Variants in ATP5MC2 observed in about 807,000 individuals in gnomAD.
ATP5MC2 encodes the protein ATP synthase F(0) complex subunit C2, mitochondrial.
Under a neutral mutation model 13.5 loss-of-function variants are expected in ATP5MC2, and 11 were observed. The ratio of observed to expected loss-of-function variants is 0.81; its 90% confidence interval spans 0.51 to 1.35. The LOEUF (loss-of-function observed/expected upper bound fraction) is 1.35. Ranked by LOEUF, ATP5MC2 falls within the 40% of genes most tolerant of loss-of-function variation. The pLI is 0.00. For missense variants in ATP5MC2, 132 were observed against 175.0 expected, an observed-to-expected ratio of 0.75 and a Z score of 1.39; for synonymous variants, 64 against 69.7, an observed-to-expected ratio of 0.92 and a Z score of 0.41.
intron 3 of ATP5MC2, 151 bp from the exon 4 acceptor site, chr12:53,669,492 C>T (rs1274769309): frequency 1.1e-5 from 15 of 1,409,942 alleles, no homozygotes; most frequent in African/African-American, 1.4e-5. Flanking sequence ...AACCTTTTAA[C>T]GTAGGATGTA....
upstream of ATP5MC2, among the ~76,000 whole-genome samples, chr12:53,679,078 A>G (rs1420144883): frequency 6.6e-6 from 1 of 152,206 alleles, no homozygotes; most frequent in East Asian, 1.9e-4. Context: ...AGAAATTCCA[A>G]GTGTCCTTTT....
chr12:53,670,834 G>C (rs1836981665), intron 2 of ATP5MC2, among the ~76,000 whole-genome samples: 1 of 151,806 alleles, frequency 6.6e-6, no homozygotes, highest in Non-Finnish European at 1.5e-5. Flanking sequence ...TATTGGCCAG[G>C]CTGGTTTTGA....
chr12:53,679,237 A>AAGAGAGAGAGAGAGAG, upstream of ATP5MC2, among the ~76,000 whole-genome samples: 1 of 72,612 alleles, frequency 1.4e-5, no homozygotes, highest in African/African-American at 7.5e-5. Flanking sequence ...GATTTTAAAA[A>AAGAGAGAGAGAGAGAG]CGAGAGAGAG....
chr12:53,676,197 G>T (rs749831233), upstream of ATP5MC2: 1 of 1,612,584 alleles, frequency 6.2e-7, no homozygotes, highest in Non-Finnish European at 8.5e-7. Context: ...AGGCATCACA[G>T]CGCCGCCTGC....
intron 1 of ATP5MC2, 148 bp downstream of exon 1, chr12:53,675,905 C>T: frequency 7.8e-7 from 1 of 1,275,222 alleles, no homozygotes; most frequent in South Asian, 1.5e-5. Context: ...GAAGAGCCAA[C>T]TCTAAGGCTA....
At chr12:53,674,741 C>T (rs1361103535) in intron 1 of ATP5MC2, among the ~76,000 whole-genome samples, 2 of 152,194 alleles carry the variant, frequency 1.3e-5, no homozygotes, top group African/African-American at 2.4e-5. Flanking sequence ...AGCCACCACA[C>T]CCAGCCTTAA....
At position 53,672,633 on chromosome 12, in the gene ATP5MC2, T is replaced by TGGAATTCAGG. The variant is rs1945135931; in HGVS notation, c.-20_-19insCCTGAATTCC. 1 of 1,578,832 alleles carries TGGAATTCAGG rather than the reference T, an allele frequency of 6.3e-7. No homozygotes were observed. The highest frequency in any genetic ancestry group is 1.9e-5 in the Admixed American group (1 of 53,642). ...CGAACATTTTCAGGGGGTGAGGAGCTGTGGCAGGAGAGCTGGAATTACAGA... is the reference window on the plus strand; with the variant it reads ...CGAACATTTTCAGGGGGTGAGGAGCTGGAATTCAGGGTGGCAGGAGAGCTGGAATTACAGA... On this transcript the variant is annotated 5_prime_UTR_variant, in exon 2 of 5. Coordinates refer to ENST00000394349, the MANE Select transcript of ATP5MC2 (RefSeq NM_005176.7).
upstream of ATP5MC2, chr12:53,676,367 C>G (rs117062244): frequency 4.9e-4 from 437 of 887,136 alleles, 8 homozygotes; most frequent in South Asian, 7.4e-3. Flanking sequence ...CTCGGACTTG[C>G]GTCCCCTTTC....
chr12:53,675,969 T>C, intron 1 of ATP5MC2, 84 bp downstream of exon 1: 2 of 1,553,052 alleles, frequency 1.3e-6, no homozygotes, highest in Non-Finnish European at 1.7e-6. Flanking sequence ...GCACGCAAGG[T>C]AAGCGCCTCA....
rs1474247652 is a variant in ATP5MC2 at position 53,665,513 on chromosome 12, C to T, written c.312-85G>A. 8 of 1,109,040 alleles carry T rather than the reference C, an allele frequency of 7.2e-6. No homozygotes were observed. In the South Asian group the frequency reaches 1.0e-4, roughly 14 times the overall value. 68.7% of individuals were successfully genotyped at this position (1,109,040 alleles called of 1,614,324 possible). ...ATCTAAGATGGGCTCAGGGAGAATC[C>T]CCCTCTTCAAGATTATCTCACATAA... On this transcript the variant is annotated intron_variant, in intron 4 of 4. Transcript: ENST00000394349.
upstream of ATP5MC2, among the ~76,000 whole-genome samples, chr12:53,678,173 T>G (rs903585447): frequency 2.6e-5 from 4 of 152,250 alleles, no homozygotes; most frequent in African/African-American, 4.8e-5. Context: ...TGTGTGATCT[T>G]GAGCTAGCTG....
upstream of ATP5MC2, among the ~76,000 whole-genome samples, chr12:53,677,968 GGCTGTTGCA>G (rs1945315086): frequency 1.3e-5 from 2 of 152,298 alleles, no homozygotes; most frequent in South Asian, 2.1e-4. Flanking sequence ...ACCCCCAAAC[GGCTGTTGCA>G]GCTGTTGCGA....
chr12:53,680,811 A>G (rs1945336362), upstream of ATP5MC2, among the ~76,000 whole-genome samples: 1 of 152,230 alleles, frequency 6.6e-6, no homozygotes. Flanking sequence ...TGTTGAGGAC[A>G]CAGGCGTGAA....
chr12:53,680,358 G>A (rs1317514484), upstream of ATP5MC2, among the ~76,000 whole-genome samples: 1 of 152,170 alleles, frequency 6.6e-6, no homozygotes, highest in Non-Finnish European at 1.5e-5. Context: ...TATAAAAAAT[G>A]AGAAAGCATA....
upstream of ATP5MC2, chr12:53,676,097 A>C (rs1239826971): frequency 1.2e-6 from 2 of 1,614,254 alleles, no homozygotes; most frequent in East Asian, 2.2e-5. Context: ...AGCAGCGGGA[A>C]GAGCGAAAGG....
At chr12:53,667,956 C>CATAT (rs772110168) in intron 4 of ATP5MC2, among the ~76,000 whole-genome samples, 1,473 of 66,714 alleles carry the variant, frequency 0.022, 59 homozygotes, top group Non-Finnish European at 0.033. Context: ...CATACACACA[C>CATAT]ATATATATAT....
chr12:53,675,697 G>C (rs1206895214), intron 1 of ATP5MC2, among the ~76,000 whole-genome samples: 1 of 152,240 alleles, frequency 6.6e-6, no homozygotes, highest in Non-Finnish European at 1.5e-5. Context: ...AGAGAAAGCA[G>C]AGATAGGAGG....
chr12:53,670,624 CTT>C (rs998395727), intron 2 of ATP5MC2, among the ~76,000 whole-genome samples: 4 of 144,650 alleles, frequency 2.8e-5, no homozygotes, highest in East Asian at 2.0e-4. Flanking sequence ...TTCTTTCTTT[CTT>C]TTTTTTTTTT....
At chr12:53,676,408 C>A, upstream of ATP5MC2, 1 of 611,554 alleles carries the variant, frequency 1.6e-6, no homozygotes, top group East Asian at 3.0e-5. Context: ...ACTGCCAAAA[C>A]AAAACTCCTA....
Sources: gnomAD v4.1 joint callset for allele counts (sites outside exome capture counted in the v4.1 genomes callset) on GRCh38, gnomAD v4.1.1 for gene constraint, MANE v1.5 for transcripts, NCBI Gene and HGNC (gene_info 2026-07-23, HGNC 2026-07-21) for gene names.